Variants in SHH observed in about 807,000 individuals in gnomAD.
SHH encodes the protein sonic hedgehog signaling molecule.
A neutral mutation model predicts 16.6 loss-of-function variants in SHH; 3 were observed. The ratio of observed to expected loss-of-function variants is 0.18; its 90% CI spans 0.08 to 0.47. The LOEUF (loss-of-function observed/expected upper bound fraction) is 0.47. Among genes scored for constraint, SHH ranks in the 20% least tolerant of loss-of-function variants. The pLI, the probability that SHH is intolerant of heterozygous loss-of-function variation, is 0.98. For missense variants in SHH, 499 were observed against 665.0 expected, an observed-to-expected ratio of 0.75 and a Z score of 2.75; for synonymous variants, 351 against 316.2, an observed-to-expected ratio of 1.11 and a Z score of -1.17.
At position 155,803,587 on chromosome 7, in the gene SHH, G is replaced by T; in HGVS notation, c.702C>A (p.Leu234=). 6.3e-7 allele frequency: 1 copy of T among 1,598,484 alleles called. No individual in the cohort carries two copies. ...VLAADDQGRL[L]YSDFLTFLDR... is the part of the protein sequence containing the mutation. ...CCAGGAAAGTGAGGAAGTCGCTGTA[G>T]AGCAGCCGGCCCTGGTCGTCCGCCG... Residue 234 remains leucine (L), a synonymous_variant, in exon 3 of 3, where the codon CTC becomes CTA. Coordinates refer to ENST00000297261, the MANE Select transcript of SHH (RefSeq NM_000193.4).
chr7:155,800,450 T>C lies in SHH; in HGVS notation c.*2450A>G. ...TCACCAGCAGAGTTGCACCATGGCC[T>C]CAGGCACCTTGGGGCTTGGTCAACG... On this transcript the variant is annotated 3_prime_UTR_variant, in exon 3 of 3. Transcript: ENST00000297261. 2.3e-6 allele frequency: 1 copy of C among 426,522 alleles called. No homozygotes were observed. Among genetic ancestry groups the C allele is most frequent in the Non-Finnish European group, 4.8e-6 (1 of 208,538 alleles). 26.4% of individuals were successfully genotyped at this position (426,522 alleles called of 1,614,324 possible).
Position 155,803,722 on chromosome 7 carries a change from G to A in SHH, c.567C>T (p.Asn189=). 6.3e-7 allele frequency: 1 copy of A among 1,596,926 alleles called. No individual in the cohort carries two copies. Among genetic ancestry groups the A allele is most frequent in the Non-Finnish European group, 8.5e-7 (1 of 1,179,006 alleles). ...AHIHCSVKAE[N]SVAAKSGGCF... ...AGCCTCCCGATTTGGCCGCCACCGA[G>A]TTCTCTGCGGGTGAGGAGAAGGGAA... Residue 189 remains asparagine (N), a synonymous_variant, in exon 3 of 3, where the codon AAC becomes AAT. Coordinates refer to ENST00000297261, the MANE Select transcript of SHH (RefSeq NM_000193.4).
In SHH at chr7:155,809,417, C is replaced by A. The variant is rs1000111635; in HGVS notation, c.300+2406G>T. Among the ~76,000 whole-genome samples the A allele has an allele frequency of 6.6e-6, 1 of 152,122 alleles. No individual in the cohort carries two copies. The highest frequency in any genetic ancestry group is 1.5e-5 in the Non-Finnish European group (1 of 68,020). On this transcript the variant is annotated intron_variant, in intron 1 of 2. Coordinates refer to ENST00000297261, the MANE Select transcript of SHH (RefSeq NM_000193.4). This position sits in a 1 kb window ranked among gnomAD's most constrained non-coding sequence, Gnocchi z 6.1. ...CGCCGGCCTGGGGCTCCCCTGCCGCCTCCTGCACCCCGCCCCTGCCCTCAG... is the reference window on the plus strand; with the variant it reads ...CGCCGGCCTGGGGCTCCCCTGCCGCATCCTGCACCCCGCCCCTGCCCTCAG...
rs557258718 is a variant in SHH at position 155,808,574 on chromosome 7, C to T, written c.301-2017G>A. ...CGAGGGTTGCTGGAGTTGGCGCCCC[C>T]GCCCCTTGCGCCCTCCTCCGGCCCG... On this transcript the variant is annotated intron_variant, in intron 1 of 2. Transcript: ENST00000297261. Among the ~76,000 whole-genome samples the T allele has an allele frequency of 7.9e-5, 12 of 152,316 alleles. No individual in the cohort carries two copies. The East Asian group carries it at 2.3e-3, about 29-fold the overall frequency.
Position 155,803,104 on chromosome 7 carries a change from C to A in SHH, c.1185G>T (p.Thr395=). 2 of 1,344,698 alleles carry A rather than the reference C, an allele frequency of 1.5e-6. No homozygotes were observed. The highest frequency in any genetic ancestry group is 1.5e-5 in the African/African-American group (1 of 65,542). The allele number at this position is 1,344,698 out of a possible 1,614,324, so 83.3% of individuals were successfully genotyped here. The stretch of plus-strand genomic sequence containing the variant: ...CGCCGCCGCTGTCCCCGCCGCGGTC[C>A]GTGCGCGCGGGCGCCAGTGCAGCCA... ...ALLAALAPAR[T]DRGGDSGGGD... The change falls in exon 3 of 3, where the codon ACG becomes ACT. Residue 395 remains threonine, a synonymous_variant. Transcript: ENST00000297261.
At chr7:155,806,223 T>C (rs1243616108) in intron 2 of SHH, 73 bp downstream of exon 2, 10 of 1,598,868 alleles carry the variant, frequency 6.3e-6, no homozygotes, top group Admixed American at 1.7e-5. Context: ...CAGGTTTCTT[T>C]TTCTCTTGAA....
Position 155,800,942 on chromosome 7 carries a change from C to T in SHH, c.*1958G>A, listed in dbSNP as rs962863712. Reference sequence around the variant, plus strand: ...GCTGGGAGGCCCCAAGCTCATGCAGCGCAACTCTTCCAAGGCCCAGCCTGC... The same window carrying T: ...GCTGGGAGGCCCCAAGCTCATGCAGTGCAACTCTTCCAAGGCCCAGCCTGC... On this transcript the variant is annotated 3_prime_UTR_variant, in exon 3 of 3. Coordinates refer to ENST00000297261, the MANE Select transcript of SHH (RefSeq NM_000193.4). The T allele has an allele frequency of 3.7e-5, 9 of 243,708 alleles. No individual in the cohort carries two copies. The highest frequency in any genetic ancestry group is 3.4e-4 in the Admixed American group (7 of 20,760). The allele number at this position is 243,708 out of a possible 1,614,324, so 15.1% of individuals were successfully genotyped here.
At chr7:155,805,030 C>A (rs988335241) in intron 2 of SHH, among the ~76,000 whole-genome samples, 9 of 152,170 alleles carry the variant, frequency 5.9e-5, no homozygotes, top group Non-Finnish European at 1.0e-4. Flanking sequence ...TGACACGCTG[C>A]GCCCCGCGCC....
rs1204846576 is a variant in SHH at position 155,800,663 on chromosome 7, A to G, written c.*2237T>C. ...GTAAACACCAGCCTGGAACCTGCTG[A>G]CCACCTAGAACACCAAAGAAAAGTC... On this transcript the variant is annotated 3_prime_UTR_variant, in exon 3 of 3. Coordinates refer to ENST00000297261, the MANE Select transcript of SHH (RefSeq NM_000193.4). 2.1e-6 allele frequency: 1 copy of G among 470,262 alleles called. No homozygotes were observed. Among genetic ancestry groups the G allele is most frequent in the South Asian group, 1.5e-5 (1 of 64,540 alleles). The allele number at this position is 470,262 out of a possible 1,614,324, so 29.1% of individuals were successfully genotyped here. A position where few individuals can be genotyped will look rare whatever the true frequency, so the allele number is the denominator to read the frequency against.
chr7:155,808,583 C>A (rs1425597573), intron 1 of SHH, among the ~76,000 whole-genome samples: 1 of 152,198 alleles, frequency 6.6e-6, no homozygotes, highest in South Asian at 2.1e-4. Flanking sequence ...CCGCCCCTTG[C>A]GCCCTCCTCC....
At position 155,802,893 on chromosome 7, in the gene SHH, C is replaced by T. The variant is rs764787098; in HGVS notation, c.*7G>A. ...CCCTCCCGCGCCCCTCCCCCGGCCC[C>T]CCGGCTTCAGCTGGACTTGACCGCC... On this transcript the variant is annotated 3_prime_UTR_variant, in exon 3 of 3. Coordinates refer to ENST00000297261, the MANE Select transcript of SHH (RefSeq NM_000193.4). 8.0e-6 allele frequency: 11 copies of T among 1,372,732 alleles called. No homozygotes were observed. In the South Asian group the frequency reaches 9.8e-5, roughly 12 times the overall value. The allele number at this position is 1,372,732 out of a possible 1,614,324, so 85.0% of individuals were successfully genotyped here.
In SHH at chr7:155,812,111, C is replaced by T. The variant is rs1239752360; in HGVS notation, c.12G>A (p.Leu4=). The T allele has an allele frequency of 6.2e-7, 1 of 1,614,098 alleles. No individual in the cohort carries two copies. Among genetic ancestry groups the T allele is most frequent in the South Asian group, 1.1e-5 (1 of 91,082 alleles). The part of the protein sequence containing the change: MLL[L]ARCLLLVLVS... The stretch of plus-strand genomic sequence containing the variant: ...CGAGGACTAGCAGCAGACATCTCGC[C>T]AGCAGCAGCATCTCGCCCATGGAAC... The change falls in exon 1 of 3, where the codon CTG becomes CTA. Residue 4 remains leucine (L), a synonymous_variant. Coordinates refer to ENST00000297261, the MANE Select transcript of SHH (RefSeq NM_000193.4).
Position 155,803,444 on chromosome 7 carries a change from G to C in SHH, c.845C>G (p.Thr282Ser), listed in dbSNP as rs1237806017. The C allele has an allele frequency of 7.1e-6, 11 of 1,541,146 alleles. No homozygotes were observed. Among genetic ancestry groups the C allele is most frequent in the Non-Finnish European group, 9.6e-6 (11 of 1,148,390 alleles). Residue 282 changes from threonine to serine, a missense_variant, in exon 3 of 3, where the codon ACC becomes AGC. Transcript: ENST00000297261. ...LFVAPHNDSA[T>S]GEPEASSGSG... ...GCCCGAGGACGCCTCGGGCTCCCCGGTGGCCGAGTCGTTGTGCGGCGCCAC... is the reference window on the plus strand; with the variant it reads ...GCCCGAGGACGCCTCGGGCTCCCCGCTGGCCGAGTCGTTGTGCGGCGCCAC...
rs952425860 is a variant in SHH at position 155,808,766 on chromosome 7, C to A, written c.301-2209G>T. Among the ~76,000 whole-genome samples, 4 of 152,336 alleles carry A rather than the reference C, an allele frequency of 2.6e-5. No individual in the cohort carries two copies. The South Asian group carries it at 8.3e-4, about 32-fold the overall frequency. Reference sequence around the variant, plus strand: ...TGAAGCCCAGCAGGGCCGCCGGGGCCGGGCTTTGTGTCGGCGGAGGCCAAG... The same window carrying A: ...TGAAGCCCAGCAGGGCCGCCGGGGCAGGGCTTTGTGTCGGCGGAGGCCAAG... On this transcript the variant is annotated intron_variant, in intron 1 of 2. Transcript: ENST00000297261.
In SHH at chr7:155,800,310, C is replaced by G; in HGVS notation, c.*2590G>C. The stretch of plus-strand genomic sequence containing the variant: ...ATCTTAAGAAGATGGACCAGGAGGG[C>G]TGGGGACAGCACCCAGCAGCACGGA... On this transcript the variant is annotated 3_prime_UTR_variant, in exon 3 of 3. Coordinates refer to ENST00000297261, the MANE Select transcript of SHH (RefSeq NM_000193.4). 1 of 446,456 alleles carries G rather than the reference C, an allele frequency of 2.2e-6. No individual in the cohort carries two copies. Among genetic ancestry groups the G allele is most frequent in the Non-Finnish European group, 4.6e-6 (1 of 218,762 alleles). 27.7% of individuals were successfully genotyped at this position (446,456 alleles called of 1,614,324 possible). A position where few individuals can be genotyped will look rare whatever the true frequency, so the allele number is the denominator to read the frequency against.
At chr7:155,808,718 A>T (rs1018312266) in intron 1 of SHH, among the ~76,000 whole-genome samples, 2 of 152,172 alleles carry the variant, frequency 1.3e-5, no homozygotes, top group African/African-American at 4.8e-5. Flanking sequence ...CCGCGAATCA[A>T]GCCCGACTCT....
rs1422389145 is a variant in SHH at position 155,800,106 on chromosome 7, C to A, written c.*2794G>T. Reference sequence around the variant, plus strand: ...TAGTCATGAGGGAGGCTGGCAGCAACCACCATGCATACATTTTGCACAAAC... The same window carrying A: ...TAGTCATGAGGGAGGCTGGCAGCAAACACCATGCATACATTTTGCACAAAC... On this transcript the variant is annotated 3_prime_UTR_variant, in exon 3 of 3. Coordinates refer to ENST00000297261, the MANE Select transcript of SHH (RefSeq NM_000193.4). The A allele has an allele frequency of 1.1e-5, 5 of 471,570 alleles. No individual in the cohort carries two copies. Among genetic ancestry groups the A allele is most frequent in the African/African-American group, 2.0e-5 (1 of 50,082 alleles). 29.2% of individuals were successfully genotyped at this position (471,570 alleles called of 1,614,324 possible). A position where few individuals can be genotyped will look rare whatever the true frequency, so the allele number is the denominator to read the frequency against.
At position 155,800,631 on chromosome 7, in the gene SHH, C is replaced by T. The variant is rs1288317257; in HGVS notation, c.*2269G>A. On this transcript the variant is annotated 3_prime_UTR_variant, in exon 3 of 3. Coordinates refer to ENST00000297261, the MANE Select transcript of SHH (RefSeq NM_000193.4). ...AGAACAGAAACCATCGCACTTCCTCCGAGATTGTAAACACCAGCCTGGAAC... is the reference window on the plus strand; with the variant it reads ...AGAACAGAAACCATCGCACTTCCTCTGAGATTGTAAACACCAGCCTGGAAC... 5 of 470,826 alleles carry T rather than the reference C, an allele frequency of 1.1e-5. No homozygotes were observed. The highest frequency in any genetic ancestry group is 4.0e-5 in the African/African-American group (2 of 50,218). The allele number at this position is 470,826 out of a possible 1,614,324, so 29.2% of individuals were successfully genotyped here. A position where few individuals can be genotyped will look rare whatever the true frequency, so the allele number is the denominator to read the frequency against.
intron 1 of SHH, among the ~76,000 whole-genome samples, chr7:155,810,140 A>T (rs1238428231): frequency 1.3e-5 from 2 of 152,158 alleles, no homozygotes; most frequent in Non-Finnish European, 2.9e-5. Flanking sequence ...CCCGGGAGTA[A>T]GTGGGGCTGC....
Sources: allele counts gnomAD v4.1 joint callset (sites outside exome capture counted in the v4.1 genomes callset), GRCh38; gene constraint gnomAD v4.1.1; non-coding constraint Gnocchi (gnomAD v3.1); transcripts MANE v1.5; gene names NCBI Gene and HGNC (gene_info 2026-07-23, HGNC 2026-07-21).